PLCXD3: variants seen among roughly 807,000 people sequenced by gnomAD.
The protein encoded by PLCXD3 is phosphatidylinositol specific phospholipase C X domain containing 3, also known as PI-PLC X domain-containing protein 3.
In PLCXD3, 19 loss-of-function variants were observed where a neutral mutation model predicts 25.5. The ratio of observed to expected loss-of-function variants is 0.75; its 90% CI spans 0.52 to 1.09. PLCXD3 has a LOEUF of 1.09. Among genes scored for constraint, PLCXD3 ranks in the 50% least tolerant of loss-of-function variants. PLCXD3 has a pLI of 0.00. For missense variants in PLCXD3, 411 were observed against 388.1 expected (o/e 1.06, Z -0.50); for synonymous variants, 174 against 137.6 (o/e 1.26, Z -1.85).
chr5:41,411,992 C>T (rs1315292652), intron 1 of PLCXD3, among the ~76,000 whole-genome samples: 1 of 146,238 alleles, frequency 6.8e-6, no homozygotes, highest in Admixed American at 6.8e-5. Context: ...ATATCCATAT[C>T]TATCTATCTG....
Position 41,382,087 on chromosome 5 carries a change from A to G in PLCXD3, c.551T>C (p.Leu184Pro). The G allele has an allele frequency of 6.2e-7, 1 of 1,613,716 alleles. No individual in the cohort carries two copies. The highest frequency in any genetic ancestry group is 8.5e-7 in the Non-Finnish European group (1 of 1,179,754). Residue 184 changes from leucine (L) to proline (P), a missense_variant, in exon 2 of 3, where the codon CTG (leucine) becomes CCG (proline). Physicochemically the swap from Leu to Pro is moderately conservative, Grantham distance 98. Coordinates refer to ENST00000377801, the MANE Select transcript of PLCXD3 (RefSeq NM_001005473.3). ...IFAQEVSLKY[L>P]WEKDYQVLVF... ...CAGCACTTGATAGTCCTTCTCCCAC[A>G]GGTACTTTAAACTAACTTCCTGGGC...
chr5:41,338,817 G>T (rs1041819257), intron 2 of PLCXD3, among the ~76,000 whole-genome samples: 1 of 151,880 alleles, frequency 6.6e-6, no homozygotes, highest in Admixed American at 6.6e-5. Context: ...TCAGCTTGGA[G>T]CCCTCTTATT....
At chr5:41,431,598 G>A (rs1019587164) in intron 1 of PLCXD3, among the ~76,000 whole-genome samples, 8 of 152,096 alleles carry the variant, frequency 5.3e-5, no homozygotes, top group African/African-American at 1.9e-4. Flanking sequence ...GTTTGCTTAT[G>A]TATATATATC....
chr5:41,467,265 A>C (rs1379262356), intron 1 of PLCXD3, among the ~76,000 whole-genome samples: 1 of 152,156 alleles, frequency 6.6e-6, no homozygotes, highest in African/African-American at 2.4e-5. Flanking sequence ...GTGACGTGAT[A>C]TGTCAATGAG....
chr5:41,401,859 A>G (rs1746196317), intron 1 of PLCXD3, among the ~76,000 whole-genome samples: 2 of 152,006 alleles, frequency 1.3e-5, no homozygotes, highest in Non-Finnish European at 2.9e-5. Context: ...CTGTACATTT[A>G]CTTTCTGAGC....
chr5:41,395,493 G>GA (rs1312349473), intron 1 of PLCXD3, among the ~76,000 whole-genome samples: 2 of 151,568 alleles, frequency 1.3e-5, no homozygotes, highest in Admixed American at 6.6e-5. Context: ...AAATTGAAAT[G>GA]AAAAAACAAT....
At chr5:41,452,021 A>T (rs951580238) in intron 1 of PLCXD3, among the ~76,000 whole-genome samples, 9 of 151,946 alleles carry the variant, frequency 5.9e-5, no homozygotes, top group African/African-American at 1.9e-4. Context: ...TGCTCAAGGG[A>T]TTGCTTTCCT....
chr5:41,415,943 A>T (rs1221115225), intron 1 of PLCXD3, among the ~76,000 whole-genome samples: 2 of 152,186 alleles, frequency 1.3e-5, no homozygotes, highest in African/African-American at 4.8e-5. Flanking sequence ...GGCTAGTAAC[A>T]GGTAACTGTG....
At position 41,311,434 on chromosome 5, in the gene PLCXD3, C is replaced by A. The variant is rs1743134190; in HGVS notation, c.*2183G>T. ...CTCTACTTTCAAAGGTTTTATTACTCTTTTTCACACAATATTAAGGGTTTC... is the reference window on the plus strand; with the variant it reads ...CTCTACTTTCAAAGGTTTTATTACTATTTTTCACACAATATTAAGGGTTTC... On this transcript the variant is annotated 3_prime_UTR_variant, in exon 3 of 3. Coordinates refer to ENST00000377801, the MANE Select transcript of PLCXD3 (RefSeq NM_001005473.3). 6.6e-6 allele frequency: 1 copy of A among 151,966 alleles called. No homozygotes were observed. Among genetic ancestry groups the A allele is most frequent in the African/African-American group, 2.4e-5 (1 of 41,394 alleles). The allele number at this position is 151,966 out of a possible 1,614,324, so 9.4% of individuals were successfully genotyped here.
At chr5:41,451,787 CT>C (rs1747638440) in intron 1 of PLCXD3, among the ~76,000 whole-genome samples, 1 of 151,890 alleles carries the variant, frequency 6.6e-6, no homozygotes, top group Non-Finnish European at 1.5e-5. Context: ...ACATTTGTCA[CT>C]TTTTTGCTAG....
At chr5:41,406,469 C>T (rs907405939) in intron 1 of PLCXD3, among the ~76,000 whole-genome samples, 1 of 152,132 alleles carries the variant, frequency 6.6e-6, no homozygotes, top group African/African-American at 2.4e-5. Context: ...TGTTTGTCCA[C>T]TGTTACATTT....
At chr5:41,422,154 A>G (rs1162467658) in intron 1 of PLCXD3, among the ~76,000 whole-genome samples, 1 of 152,190 alleles carries the variant, frequency 6.6e-6, no homozygotes, top group Non-Finnish European at 1.5e-5. Flanking sequence ...GGAACTCCAT[A>G]TTTCTGAATT....
intron 2 of PLCXD3, among the ~76,000 whole-genome samples, chr5:41,368,135 T>C (rs1744990773): frequency 1.3e-5 from 2 of 152,216 alleles, no homozygotes; most frequent in African/African-American, 4.8e-5. Flanking sequence ...ATTGATTTCT[T>C]TGAGCAGTGG....
intron 2 of PLCXD3, among the ~76,000 whole-genome samples, chr5:41,361,929 A>G (rs1286384094): frequency 6.6e-6 from 1 of 152,208 alleles, no homozygotes; most frequent in Non-Finnish European, 1.5e-5. Context: ...GAGATATAGA[A>G]AGTGGCTCTT....
intron 2 of PLCXD3, among the ~76,000 whole-genome samples, chr5:41,317,016 A>C (rs1261767981): frequency 6.6e-6 from 1 of 152,222 alleles, no homozygotes; most frequent in Non-Finnish European, 1.5e-5. Context: ...AACCATACAC[A>C]ATAGCCAGGG....
chr5:41,348,132 T>G (rs1166479611), intron 2 of PLCXD3, among the ~76,000 whole-genome samples: 1 of 152,230 alleles, frequency 6.6e-6, no homozygotes, highest in East Asian at 1.9e-4. Flanking sequence ...CACTTTGAGG[T>G]AGGTTAATAG....
At chr5:41,348,993 A>C (rs1744378738) in intron 2 of PLCXD3, among the ~76,000 whole-genome samples, 1 of 152,152 alleles carries the variant, frequency 6.6e-6, no homozygotes, top group African/African-American at 2.4e-5. Flanking sequence ...GTTGGATCTA[A>C]AACCTGCGAT....
intron 1 of PLCXD3, among the ~76,000 whole-genome samples, chr5:41,399,597 A>T (rs1270817177): frequency 1.3e-5 from 2 of 152,130 alleles, no homozygotes; most frequent in Non-Finnish European, 2.9e-5. Context: ...ACTGGGGAAA[A>T]GATAGTATCT....
chr5:41,489,598 T>C (rs1748606896), intron 1 of PLCXD3, among the ~76,000 whole-genome samples: 1 of 150,734 alleles, frequency 6.6e-6, no homozygotes, highest in Admixed American at 6.6e-5. Context: ...TATCCTCTTT[T>C]ATTTCCTTGA....
Sources: gnomAD v4.1 joint callset for allele counts (sites outside exome capture counted in the v4.1 genomes callset) on GRCh38, gnomAD v4.1.1 for gene constraint, MANE v1.5 for transcripts, NCBI Gene and HGNC (gene_info 2026-07-23, HGNC 2026-07-21) for gene names.